CDK5RAP3: variants seen among roughly 807,000 people sequenced by gnomAD.
The protein encoded by CDK5RAP3 is CDK5 regulatory subunit-associated protein 3.
A neutral mutation model predicts 73.3 loss-of-function variants in CDK5RAP3; 58 were observed. That is an observed-to-expected ratio of 0.79 (90% CI 0.64 to 0.98). The LOEUF (loss-of-function observed/expected upper bound fraction) is 0.98, where lower values mean the gene tolerates loss of function less well. Among genes scored for constraint, CDK5RAP3 ranks in the 50% least tolerant of loss-of-function variants. The pLI is 0.00. For synonymous variants in CDK5RAP3, 224 were observed against 247.5 expected (o/e 0.91, Z 0.89); for missense variants, 525 against 615.8 (o/e 0.85, Z 1.56).
chr17:47,972,013 C>T (rs1405533831), intron 2 of CDK5RAP3, among the ~76,000 whole-genome samples: 1 of 151,300 alleles, frequency 6.6e-6, no homozygotes, highest in Admixed American at 6.6e-5. Flanking sequence ...AGACAAAAAA[C>T]AGTCAACCAC....
chr17:47,973,726 A>T, intron 3 of CDK5RAP3, 76 bp downstream of exon 3: 1 of 1,574,494 alleles, frequency 6.4e-7, no homozygotes. Flanking sequence ...CTCTCTTGTT[A>T]TTTAGCCACC....
Position 47,980,384 on chromosome 17 carries a change from T to G in CDK5RAP3, c.1078-209T>G, listed in dbSNP as rs1567727701. ...CCTGGGCTCAAGTGATCCTCCCGCCTCAGCCTCCTGAGTAGCTGGGACTAC... is the reference window on the plus strand; with the variant it reads ...CCTGGGCTCAAGTGATCCTCCCGCCGCAGCCTCCTGAGTAGCTGGGACTAC... On this transcript the variant is annotated intron_variant, in intron 11 of 13. Transcript: ENST00000338399. The G allele has an allele frequency of 5.2e-6, 3 of 576,860 alleles. No homozygotes were observed. In the East Asian group the frequency reaches 9.2e-5, roughly 18 times the overall value. The allele number at this position is 576,860 out of a possible 1,614,324, so 35.7% of individuals were successfully genotyped here.
At position 47,973,714 on chromosome 17, in the gene CDK5RAP3, T is replaced by C. The variant is rs190439204; in HGVS notation, c.184+64T>C. On this transcript the variant is annotated intron_variant, in intron 3 of 13. Transcript: ENST00000338399. ...CTGAGGTAGTATGTATCAGCTGAGCTACTCTCTTGTTATTTAGCCACCAGG... is the reference window on the plus strand; with the variant it reads ...CTGAGGTAGTATGTATCAGCTGAGCCACTCTCTTGTTATTTAGCCACCAGG... 2.2e-4 allele frequency: 347 copies of C among 1,587,442 alleles called. 2 individuals carry two copies. The East Asian group carries it at 7.4e-3, about 34-fold the overall frequency.
rs759715495 is a variant in CDK5RAP3 at position 47,981,456 on chromosome 17, A to G, written c.1475A>G (p.Lys492Arg). Residue 492 changes from lysine (K) to arginine (R), a missense_variant, in exon 14 of 14, where the codon AAG (lysine) becomes AGG (arginine). Lys to Arg is a conservative substitution (Grantham distance 26). Coordinates refer to ENST00000338399, the MANE Select transcript of CDK5RAP3 (RefSeq NM_176096.3). ...TTTCAGATTGAAGCTGACATCTCCA[A>G]GAGGTACAGCGGGCGCCCTGTGAAC... The part of the protein sequence containing the change: ...LQKLIEADIS[K>R]RYSGRPVNLM... 2.8e-5 allele frequency: 45 copies of G among 1,614,226 alleles called. No individual in the cohort carries two copies. In the Middle Eastern group the frequency reaches 2.0e-3, roughly 71 times the overall value.
intron 5 of CDK5RAP3, 34 bp from the exon 6 acceptor site, chr17:47,975,125 G>C (rs934467768): frequency 8.1e-6 from 13 of 1,613,948 alleles, no homozygotes; most frequent in Non-Finnish European, 9.3e-6. Context: ...TCATGTGGGG[G>C]TGTCCTGGGC....
intron 11 of CDK5RAP3, 166 bp from the exon 12 acceptor site, chr17:47,980,427 T>C (rs2036524429): frequency 1.5e-6 from 1 of 673,802 alleles, no homozygotes; most frequent in Non-Finnish European, 2.7e-6. Context: ...CACCACCATG[T>C]TTGGCTAATT....
At chr17:47,970,698 G>A, upstream of CDK5RAP3, 1 of 1,535,700 alleles carries the variant, frequency 6.5e-7, no homozygotes, top group South Asian at 1.2e-5. Flanking sequence ...GCTCTGGATG[G>A]TAAAGCGACG....
rs761533529 is a variant in CDK5RAP3, at chr17:47,974,036, G to A, written c.285+5G>A. 2.5e-6 allele frequency: 4 copies of A among 1,604,098 alleles called. No homozygotes were observed. The highest frequency in any genetic ancestry group is 3.4e-6 in the Non-Finnish European group (4 of 1,170,800). On this transcript the variant is annotated splice_donor_5th_base_variant and intron_variant, in intron 4 of 13. Transcript: ENST00000338399. ...TACTCTTCACAGCGGATGAAGGCAA[G>A]TGTGGGCCAAGGGCCGGTAGTATGT...
chr17:47,974,992 T>C, intron 5 of CDK5RAP3, 167 bp from the exon 6 acceptor site: 1 of 1,516,468 alleles, frequency 6.6e-7, no homozygotes, highest in Admixed American at 2.1e-5. Flanking sequence ...CGATGAGGGT[T>C]GGATTAGAGG....
chr17:47,975,379 C>T, intron 6 of CDK5RAP3, 42 bp downstream of exon 6: 1 of 1,605,410 alleles, frequency 6.2e-7, no homozygotes, highest in Non-Finnish European at 8.5e-7. Context: ...GACACCTGGG[C>T]CCCTGCTTGT....
chr17:47,978,008 T>G (rs1296054599), intron 10 of CDK5RAP3, 98 bp downstream of exon 10: 1 of 821,194 alleles, frequency 1.2e-6, no homozygotes, highest in Non-Finnish European at 2.0e-6. Context: ...TGAGGCTTCT[T>G]GCACATTTAA....
chr17:47,976,664 C>CA (rs2036419918), intron 8 of CDK5RAP3, 48 bp from the exon 9 acceptor site: 1 of 1,352,572 alleles, frequency 7.4e-7, no homozygotes, highest in Non-Finnish European at 1.1e-6. Context: ...ATGCCCGGCC[C>CA]TTTTTAAATC....
Position 47,978,958 on chromosome 17 carries a change from C to T in CDK5RAP3, c.1077+41C>T, listed in dbSNP as rs2036490122. 2.6e-6 allele frequency: 4 copies of T among 1,514,704 alleles called. No homozygotes were observed. In the African/African-American group the frequency reaches 5.5e-5, roughly 21 times the overall value. 93.8% of individuals were successfully genotyped at this position (1,514,704 alleles called of 1,614,324 possible). A position where few individuals can be genotyped will look rare whatever the true frequency, so the allele number is the denominator to read the frequency against. ...GAAGATGCAGGGGGGAGGCATGGCA[C>T]CAGCACAGGTGGCTTCACTCCAGAT... On this transcript the variant is annotated intron_variant, in intron 11 of 13. Coordinates refer to ENST00000338399, the MANE Select transcript of CDK5RAP3 (RefSeq NM_176096.3).
intron 10 of CDK5RAP3, chr17:47,978,620 T>C (rs1330210661): frequency 1.8e-6 from 1 of 559,556 alleles, no homozygotes; most frequent in Admixed American, 3.1e-5. Context: ...CCAGCTCTGG[T>C]CCTCCTCTCA....
At chr17:47,978,997 C>G (rs1424682938) in intron 11 of CDK5RAP3, 80 bp downstream of exon 11, 1 of 1,042,430 alleles carries the variant, frequency 9.6e-7, no homozygotes, top group Non-Finnish European at 1.5e-6. Context: ...TGACCTGACC[C>G]CTCCTGTTTG....
At chr17:47,973,430 A>T in intron 2 of CDK5RAP3, 89 bp from the exon 3 acceptor site, 7 of 1,483,346 alleles carry the variant, frequency 4.7e-6, no homozygotes. Flanking sequence ...GAAAACTTTT[A>T]GACTAATTTC....
At position 47,978,896 on chromosome 17, in the gene CDK5RAP3, G is replaced by T; in HGVS notation, c.1056G>T (p.Gln352His). 1.2e-6 allele frequency: 2 copies of T among 1,613,862 alleles called. No homozygotes were observed. The highest frequency in any genetic ancestry group is 1.7e-6 in the Non-Finnish European group (2 of 1,179,824). ...TTGAATACACTGAGACCCGGAATCA[G>T]TTCCTTGATGAGCTCATGGAGGTAC... The part of the protein sequence containing the change: ...TLLEYTETRN[Q>H]FLDELMELEI... The change falls in exon 11 of 14, where the codon CAG becomes CAT. Residue 352 changes from glutamine to histidine, a missense_variant. Around this residue, in one of 2 missense-constraint regions of CDK5RAP3, gnomAD observed 116 missense variants for 186.1 expected, o/e 0.62. Transcript: ENST00000338399.
In CDK5RAP3 at chr17:47,979,086, A is replaced by G. The variant is rs1207176202; in HGVS notation, c.1077+169A>G. The G allele has an allele frequency of 6.6e-6, 4 of 604,958 alleles. No individual in the cohort carries two copies. In the East Asian group the frequency reaches 1.1e-4, roughly 17 times the overall value. The allele number at this position is 604,958 out of a possible 1,614,324, so 37.5% of individuals were successfully genotyped here. On this transcript the variant is annotated intron_variant, in intron 11 of 13. Transcript: ENST00000338399. Reference sequence around the variant, plus strand: ...ATGCCTCCTATTCATCCAGTTACTTATCAGGTACCTCCTAGGCACCTGGCA... The same window carrying G: ...ATGCCTCCTATTCATCCAGTTACTTGTCAGGTACCTCCTAGGCACCTGGCA...
At chr17:47,971,221 T>C (rs1433039891) in intron 1 of CDK5RAP3, 69 bp downstream of exon 1, 3 of 1,528,714 alleles carry the variant, frequency 2.0e-6, no homozygotes, top group Non-Finnish European at 2.7e-6. Context: ...CCGGTCTCCC[T>C]CCGGAAGCGG....
Sources: allele counts gnomAD v4.1 joint callset (sites outside exome capture counted in the v4.1 genomes callset), GRCh38; gene constraint gnomAD v4.1.1; regional missense constraint gnomAD v4.1.1; transcripts MANE v1.5; gene names NCBI Gene and HGNC (gene_info 2026-07-23, HGNC 2026-07-21).